The following PRKCI variants were observed in gnomAD, a reference collection of about 807,000 sequenced individuals.
PRKCI encodes the protein protein kinase C iota.
Under a neutral mutation model 84.0 loss-of-function variants are expected in PRKCI, and 43 were observed. That is an observed-to-expected ratio of 0.51 (90% confidence interval 0.40 to 0.66). The LOEUF (loss-of-function observed/expected upper bound fraction) is 0.66. PRKCI is among the 30% of genes least tolerant of loss of function. PRKCI has a pLI of 0.00. For missense variants in PRKCI, 459 were observed against 745.6 expected (o/e 0.62, Z 4.48); for synonymous variants, 216 against 234.4 (o/e 0.92, Z 0.72).
intron 1 of PRKCI, among the ~76,000 whole-genome samples, chr3:170,223,570 A>G (rs1188940556): frequency 6.6e-6 from 1 of 152,214 alleles, no homozygotes; most frequent in Admixed American, 6.5e-5. Flanking sequence ...ATCATTTTCT[A>G]TCAGTGACGC....
intron 2 of PRKCI, among the ~76,000 whole-genome samples, chr3:170,235,763 C>T (rs940194412): frequency 9.9e-5 from 15 of 151,766 alleles, no homozygotes; most frequent in African/African-American, 2.9e-4. Flanking sequence ...ACGGGGGTTT[C>T]GCTATGTTGG....
At chr3:170,233,728 T>A (rs1732862216) in intron 1 of PRKCI, among the ~76,000 whole-genome samples, 1 of 146,532 alleles carries the variant, frequency 6.8e-6, no homozygotes, top group Non-Finnish European at 1.5e-5. Context: ...ATACTTAAAC[T>A]TTTTTTTTTT....
intron 1 of PRKCI, 50 bp downstream of exon 1, chr3:170,222,820 A>T: frequency 8.4e-7 from 1 of 1,188,528 alleles, no homozygotes; most frequent in Non-Finnish European, 1.1e-6. Context: ...GGCCGGCTCC[A>T]CTCGGCCTGG....
At chr3:170,301,900 T>C (rs919354317) in intron 17 of PRKCI, among the ~76,000 whole-genome samples, 1 of 152,146 alleles carries the variant, frequency 6.6e-6, no homozygotes, top group Non-Finnish European at 1.5e-5. Flanking sequence ...ATTTAAGGCC[T>C]CCCCACATCT....
At chr3:170,253,884 G>C (rs1733516013) in intron 2 of PRKCI, among the ~76,000 whole-genome samples, 1 of 151,792 alleles carries the variant, frequency 6.6e-6, no homozygotes, top group South Asian at 2.1e-4. Context: ...ATCACTTGAG[G>C]TCAGGAGTTC....
chr3:170,223,213 A>G (rs1732540191), intron 1 of PRKCI, among the ~76,000 whole-genome samples: 1 of 152,220 alleles, frequency 6.6e-6, no homozygotes, highest in African/African-American at 2.4e-5. Flanking sequence ...TTTGATTACC[A>G]GCAGGCCTAA....
chr3:170,278,393 C>A (rs1271389578), intron 8 of PRKCI, among the ~76,000 whole-genome samples: 1 of 152,168 alleles, frequency 6.6e-6, no homozygotes, highest in Non-Finnish European at 1.5e-5. Context: ...GGTGTGGCAG[C>A]TCACACCTAT....
chr3:170,228,308 TACAG>T (rs1732687212), intron 1 of PRKCI, among the ~76,000 whole-genome samples: 1 of 151,944 alleles, frequency 6.6e-6, no homozygotes, highest in Non-Finnish European at 1.5e-5. Flanking sequence ...AATATAGAAA[TACAG>T]AAAGAGGCTG....
At chr3:170,297,430 T>TTA in intron 16 of PRKCI, 37 bp downstream of exon 16, 1 of 1,529,066 alleles carries the variant, frequency 6.5e-7, no homozygotes, top group Non-Finnish European at 9.0e-7. Flanking sequence ...TTAGGTTTCA[T>TTA]TATTATCTTG....
rs1304402227 is a variant in PRKCI, at chr3:170,305,670, C to G, written c.*2543C>G. The G allele has an allele frequency of 2.0e-5, 3 of 152,100 alleles. No individual in the cohort carries two copies. Among genetic ancestry groups the G allele is most frequent in the Admixed American group, 6.5e-5 (1 of 15,274 alleles). The allele number at this position is 152,100 out of a possible 1,614,324, so 9.4% of individuals were successfully genotyped here. A position where few individuals can be genotyped will look rare whatever the true frequency, so the allele number is the denominator to read the frequency against. On this transcript the variant is annotated 3_prime_UTR_variant, in exon 18 of 18. Coordinates refer to ENST00000295797, the MANE Select transcript of PRKCI (RefSeq NM_002740.6). ...GTCTTTAAGTGCCATGCCAATTGTTCTTATATTCTATAGAAGTTCGCTCAA... is the reference window on the plus strand; with the variant it reads ...GTCTTTAAGTGCCATGCCAATTGTTGTTATATTCTATAGAAGTTCGCTCAA...
chr3:170,227,840 G>C (rs929218614), intron 1 of PRKCI, among the ~76,000 whole-genome samples: 2 of 152,218 alleles, frequency 1.3e-5, no homozygotes, highest in South Asian at 4.1e-4. Flanking sequence ...TAGTATGGGA[G>C]ATGGATTGGT....
intron 5 of PRKCI, 80 bp from the exon 6 acceptor site, chr3:170,270,341 G>A (rs1733967746): frequency 7.4e-7 from 1 of 1,350,220 alleles, no homozygotes; most frequent in Admixed American, 2.2e-5. Context: ...CCGTGACAAA[G>A]GGAATTGAGT....
At chr3:170,262,486 T>G (rs28740971) in intron 3 of PRKCI, among the ~76,000 whole-genome samples, 7,085 of 152,248 alleles carry the variant, frequency 0.047, 537 homozygotes, top group African/African-American at 0.16. Flanking sequence ...GTTTTGTTTT[T>G]GTTTTTGTTT....
chr3:170,274,298 A>AT (rs1734064887), intron 7 of PRKCI, among the ~76,000 whole-genome samples: 1 of 151,828 alleles, frequency 6.6e-6, no homozygotes, highest in South Asian at 2.1e-4. Flanking sequence ...TGCCCAGCTA[A>AT]TTTTTTTGTA....
rs773137195 is a variant in PRKCI, at chr3:170,275,306, T to C, written c.705+19T>C. Reference sequence around the variant, plus strand: ...AAAAGAGGTAAGATAATTTGTCTTATTGTACATTATATCATTAGCTTTTTA... The same window carrying C: ...AAAAGAGGTAAGATAATTTGTCTTACTGTACATTATATCATTAGCTTTTTA... On this transcript the variant is annotated intron_variant, in intron 8 of 17. Coordinates refer to ENST00000295797, the MANE Select transcript of PRKCI (RefSeq NM_002740.6). The C allele has an allele frequency of 4.4e-6, 7 of 1,590,706 alleles. No homozygotes were observed. Among genetic ancestry groups the C allele is most frequent in the East Asian group, 4.5e-5 (2 of 44,092 alleles).
intron 6 of PRKCI, among the ~76,000 whole-genome samples, chr3:170,271,829 T>A (rs1191337006): frequency 6.6e-6 from 1 of 152,132 alleles, no homozygotes; most frequent in Non-Finnish European, 1.5e-5. Flanking sequence ...TGTGCTTGCC[T>A]GTGTCTTTTT....
chr3:170,285,769 G>C (rs1156395123), intron 12 of PRKCI, among the ~76,000 whole-genome samples: 2 of 149,872 alleles, frequency 1.3e-5, no homozygotes, highest in Admixed American at 6.6e-5. Context: ...TTTGGAGACA[G>C]AGTCTCGCTC....
In PRKCI at chr3:170,303,419, A is replaced by AC. The variant is rs1055822853; in HGVS notation, c.*292_*293insC. On this transcript the variant is annotated 3_prime_UTR_variant, in exon 18 of 18. Coordinates refer to ENST00000295797, the MANE Select transcript of PRKCI (RefSeq NM_002740.6). Reference sequence around the variant, plus strand: ...TATCTTTTTTGTTTAAAAAAAAAAAAAACACTGCATTAAAAAAGTATCTGT... The same window carrying AC: ...TATCTTTTTTGTTTAAAAAAAAAAAACAACACTGCATTAAAAAAGTATCTGT... 1.5e-4 allele frequency: 41 copies of AC among 266,736 alleles called. No homozygotes were observed. Among genetic ancestry groups the AC allele is most frequent in the Non-Finnish European group, 2.1e-4 (30 of 142,036 alleles). 16.5% of individuals were successfully genotyped at this position (266,736 alleles called of 1,614,324 possible).
chr3:170,234,224 T>G (rs1409517772), intron 1 of PRKCI, among the ~76,000 whole-genome samples: 1 of 151,512 alleles, frequency 6.6e-6, no homozygotes, highest in Non-Finnish European at 1.5e-5. Flanking sequence ...AGAGTCAGGG[T>G]TTCTCCATAT....
Sources: allele counts gnomAD v4.1 joint callset (sites outside exome capture counted in the v4.1 genomes callset), GRCh38; gene constraint gnomAD v4.1.1; transcripts MANE v1.5; gene names NCBI Gene and HGNC (gene_info 2026-07-23, HGNC 2026-07-21).